Variants in SEL1L3 observed in about 807,000 individuals in gnomAD.
SEL1L3 encodes SEL1L family member 3, also known as protein sel-1 homolog 3.
In SEL1L3, 76 loss-of-function variants were observed where a neutral mutation model predicts 142.8. That is an observed-to-expected ratio of 0.53 (90% confidence interval 0.44 to 0.64). The LOEUF (loss-of-function observed/expected upper bound fraction) is 0.64, where lower values mean the gene tolerates loss of function less well. Ranked by LOEUF, SEL1L3 falls within the 30% of genes least tolerant of loss-of-function variation. SEL1L3 has a pLI of 0.00. For missense variants in SEL1L3, 1,262 were observed against 1,381.7 expected (o/e 0.91, Z 1.37); for synonymous variants, 504 against 519.6 (o/e 0.97, Z 0.41).
At chr4:25,862,289 G>A (rs1020652481) in intron 1 of SEL1L3, 1 of 156,716 alleles carries the variant, frequency 6.4e-6, no homozygotes, top group African/African-American at 2.5e-5. Context: ...AGATTGAGAG[G>A]GAAGCCCAGG....
rs142535567 is a variant in SEL1L3, at chr4:25,790,403, C to T, written c.2076+52G>A. 6.3e-4 allele frequency: 1,005 copies of T among 1,583,382 alleles called. 3 individuals carry two copies. The African/African-American group carries it at 6.5e-3, about 10-fold the overall frequency. Reference sequence around the variant, plus strand: ...GAGATGTTTCATTACCACGGTATAACCCAGTCTATCATGGCTGACAGAATC... The same window carrying T: ...GAGATGTTTCATTACCACGGTATAATCCAGTCTATCATGGCTGACAGAATC... On this transcript the variant is annotated intron_variant, in intron 12 of 23. Transcript: ENST00000399878.
At position 25,748,235 on chromosome 4, in the gene SEL1L3, G is replaced by A. The variant is rs1046360194; in HGVS notation, c.*190C>T. ...TCCTTGTATGTGTTTGATGACCTTT[G>A]GTATTACCACTGCCTGATCTGGGTA... is the stretch of plus-strand genomic sequence containing the variant. On this transcript the variant is annotated 3_prime_UTR_variant, in exon 24 of 24. Transcript: ENST00000399878. 3.4e-6 allele frequency: 2 copies of A among 584,190 alleles called. No homozygotes were observed. The highest frequency in any genetic ancestry group is 6.1e-6 in the Non-Finnish European group (2 of 330,388). 36.2% of individuals were successfully genotyped at this position (584,190 alleles called of 1,614,324 possible).
intron 23 of SEL1L3, chr4:25,756,750 T>C: frequency 8.8e-7 from 1 of 1,136,074 alleles, no homozygotes; most frequent in South Asian, 2.0e-5. Flanking sequence ...CGATTCCTGC[T>C]CAGTCCCTCC....
intron 13 of SEL1L3, among the ~76,000 whole-genome samples, chr4:25,785,767 A>G (rs1017600640): frequency 7.2e-5 from 11 of 152,192 alleles, no homozygotes; most frequent in Admixed American, 1.3e-4. Context: ...AGCATCAGAA[A>G]GACCAGAATC....
chr4:25,828,043 C>T (rs547181824), intron 6 of SEL1L3, among the ~76,000 whole-genome samples: 1 of 152,190 alleles, frequency 6.6e-6, no homozygotes, highest in Non-Finnish European at 1.5e-5. Flanking sequence ...AACAACACTC[C>T]TATGTGTTGA....
the SEL1L3 span, among the ~76,000 whole-genome samples, chr4:25,738,034 T>TA: frequency 6.6e-6 from 1 of 152,052 alleles, no homozygotes; most frequent in Non-Finnish European, 1.5e-5. Context: ...GGATTACAGT[T>TA]ACGTGCCGCC....
chr4:25,788,433 T>C lies in SEL1L3; in HGVS notation c.2077-69A>G. On this transcript the variant is annotated intron_variant, in intron 12 of 23. Transcript: ENST00000399878. This position sits in a 1 kb window ranked among gnomAD's most constrained non-coding sequence, Gnocchi z 5.3. ...ATGCTTAACACAAGATTTTGAAAGG[T>C]GGGAGAGCAAACCTACTTTACGATG... The C allele has an allele frequency of 2.6e-6, 4 of 1,524,506 alleles. No individual in the cohort carries two copies. Among genetic ancestry groups the C allele is most frequent in the Non-Finnish European group, 3.6e-6 (4 of 1,113,682 alleles). The allele number at this position is 1,524,506 out of a possible 1,614,324, so 94.4% of individuals were successfully genotyped here. A position where few individuals can be genotyped will look rare whatever the true frequency, so the allele number is the denominator to read the frequency against.
At chr4:25,717,977 G>A in the SEL1L3 span, 3 of 152,110 alleles carry the variant, frequency 2.0e-5, no homozygotes, top group East Asian at 5.8e-4. Flanking sequence ...CAGGCATGGG[G>A]GCATGAGCTG....
At chr4:25,726,401 G>A in the SEL1L3 span, among the ~76,000 whole-genome samples, 20,802 of 151,670 alleles carry the variant, frequency 0.14, 1,563 homozygotes, top group Middle Eastern at 0.18. Flanking sequence ...GGTGGTGTGC[G>A]CCTGTAATCC....
intron 5 of SEL1L3, among the ~76,000 whole-genome samples, chr4:25,830,692 C>T (rs1427539853): frequency 1.3e-5 from 2 of 152,152 alleles, no homozygotes; most frequent in Non-Finnish European, 2.9e-5. Flanking sequence ...ATGTCTTGGA[C>T]TCCAACATAA....
chr4:25,792,494 C>T (rs922067689), intron 11 of SEL1L3, among the ~76,000 whole-genome samples: 1 of 152,314 alleles, frequency 6.6e-6, no homozygotes, highest in East Asian at 1.9e-4. Flanking sequence ...AACCCATGAG[C>T]GGGTGCTTCA....
At chr4:25,795,239 G>A (rs1712639627) in intron 11 of SEL1L3, among the ~76,000 whole-genome samples, 1 of 152,180 alleles carries the variant, frequency 6.6e-6, no homozygotes, top group Admixed American at 6.5e-5. Context: ...AAGATTGTTT[G>A]TGAAAGAGCT....
intron 15 of SEL1L3, among the ~76,000 whole-genome samples, chr4:25,780,840 T>A (rs1279287535): frequency 1.4e-5 from 2 of 147,530 alleles, no homozygotes; most frequent in Non-Finnish European, 3.0e-5. Flanking sequence ...ATATATATAT[T>A]TTTGAGATGG....
chr4:25,802,390 A>G lies in SEL1L3; in HGVS notation c.1849T>C (p.Tyr617His). 14 of 1,613,676 alleles carry G rather than the reference A, an allele frequency of 8.7e-6. No individual in the cohort carries two copies. The highest frequency in any genetic ancestry group is 1.2e-5 in the Non-Finnish European group (14 of 1,179,618). ...LSSMNLGYKH[Y>H]QGIDNYPLDW... ...AGGGGGTAGTTGTCAATACCCTGGT[A>G]GTGTTTATACCCAAGATTCATTGAA... Residue 617 changes from tyrosine to histidine, a missense_variant, in exon 11 of 24, where the codon TAC becomes CAC. Transcript: ENST00000399878.
At chr4:25,731,221 G>T in the SEL1L3 span, among the ~76,000 whole-genome samples, 44 of 152,224 alleles carry the variant, frequency 2.9e-4, 1 homozygote, top group African/African-American at 1.1e-3. Context: ...TTTTAGATTT[G>T]TTGGCCCTAT....
At chr4:25,789,299 T>G (rs974257364) in intron 12 of SEL1L3, among the ~76,000 whole-genome samples, 7 of 152,122 alleles carry the variant, frequency 4.6e-5, no homozygotes, top group African/African-American at 1.7e-4. Context: ...TAGAAGAGCC[T>G]CTTGGGCCAG....
rs1712571617 is a variant in SEL1L3 at position 25,794,450 on chromosome 4, G to C, written c.1957-3876C>G. ...AAAAGCTCAACATCCCTGATCATTA[G>C]AGAAATGCAAATCAAAACCACAATG... is the stretch of plus-strand genomic sequence containing the variant. On this transcript the variant is annotated intron_variant, in intron 11 of 23. Coordinates refer to ENST00000399878, the MANE Select transcript of SEL1L3 (RefSeq NM_015187.5). 2.6e-5 allele frequency among the ~76,000 whole-genome samples: 4 copies of C among 152,332 alleles called. No individual in the cohort carries two copies. In the South Asian group the frequency reaches 8.3e-4, roughly 32 times the overall value.
chr4:25,781,078 C>T (rs1426409888), intron 15 of SEL1L3, among the ~76,000 whole-genome samples: 1 of 151,910 alleles, frequency 6.6e-6, no homozygotes, highest in Non-Finnish European at 1.5e-5. Context: ...CTCCTGAGCT[C>T]AAGTGATCTG....
At position 25,748,323 on chromosome 4, in the gene SEL1L3, A is replaced by C; in HGVS notation, c.*102T>G. ...TTGCAAAATTTGCATCCAGTTGACA[A>C]GACATTTAAGGTGTTTATCAGGATC... On this transcript the variant is annotated 3_prime_UTR_variant, in exon 24 of 24. Coordinates refer to ENST00000399878, the MANE Select transcript of SEL1L3 (RefSeq NM_015187.5). 1.1e-5 allele frequency: 13 copies of C among 1,235,496 alleles called. No homozygotes were observed. Among genetic ancestry groups the C allele is most frequent in the South Asian group, 1.6e-5 (1 of 61,534 alleles). The allele number at this position is 1,235,496 out of a possible 1,614,324, so 76.5% of individuals were successfully genotyped here. A position where few individuals can be genotyped will look rare whatever the true frequency, so the allele number is the denominator to read the frequency against.
Sources: gnomAD v4.1 joint callset for allele counts (sites outside exome capture counted in the v4.1 genomes callset) on GRCh38, gnomAD v4.1.1 for gene constraint, Gnocchi (gnomAD v3.1) non-coding constraint, MANE v1.5 for transcripts, NCBI Gene and HGNC (gene_info 2026-07-23, HGNC 2026-07-21) for gene names.